ACP1: variants seen among roughly 807,000 people sequenced by gnomAD.
The protein encoded by ACP1 is low molecular weight phosphotyrosine protein phosphatase.
Under a neutral mutation model 23.4 loss-of-function variants are expected in ACP1, and 23 were observed. The ratio of observed to expected loss-of-function variants is 0.98; its 90% confidence interval spans 0.71 to 1.39. The LOEUF is 1.39. Ranked by LOEUF, ACP1 falls within the 40% of genes most tolerant of loss-of-function variation. The pLI is 0.00. For synonymous variants in ACP1, 72 were observed against 67.2 expected, an observed-to-expected ratio of 1.07 and a Z score of -0.35; for missense variants, 180 against 197.7, an observed-to-expected ratio of 0.91 and a Z score of 0.54.
intron 3 of ACP1, chr2:272,396 G>C (rs1480935125): frequency 6.6e-7 from 1 of 1,507,284 alleles, no homozygotes; most frequent in Non-Finnish European, 8.9e-7. Flanking sequence ...ATTAATGAAT[G>C]TGTTTATTTA....
At chr2:277,174 G>T in intron 5 of ACP1, 53 bp from the exon 6 acceptor site, 1 of 1,597,908 alleles carries the variant, frequency 6.3e-7, no homozygotes, top group Non-Finnish European at 8.6e-7. Context: ...TTGTGTTAAG[G>T]ATGTTTTTGT....
chr2:271,525 C>T (rs377544702), intron 1 of ACP1, among the ~76,000 whole-genome samples: 81 of 152,274 alleles, frequency 5.3e-4, no homozygotes, highest in African/African-American at 1.9e-3. Flanking sequence ...TTAAAATAAG[C>T]TGGTTGCAAC....
Position 277,450 on chromosome 2 carries a change from T to C in ACP1, c.*146T>C, listed in dbSNP as rs1310150042. 1.4e-6 allele frequency: 1 copy of C among 697,044 alleles called. No individual in the cohort carries two copies. Among genetic ancestry groups the C allele is most frequent in the African/African-American group, 1.8e-5 (1 of 56,018 alleles). 43.2% of individuals were successfully genotyped at this position (697,044 alleles called of 1,614,324 possible). On this transcript the variant is annotated 3_prime_UTR_variant, in exon 6 of 6. Coordinates refer to ENST00000272065, the MANE Select transcript of ACP1 (RefSeq NM_004300.4). ...ACTGTTTCTTACCTTAAAAAGTAAT[T>C]GTAGATGGAAATCAGTTGTGTTTGG...
chr2:277,815 T>A lies in ACP1; in HGVS notation c.*511T>A, dbSNP rs897024182. 6.1e-6 allele frequency: 1 copy of A among 163,324 alleles called. No individual in the cohort carries two copies. Among genetic ancestry groups the A allele is most frequent in the African/African-American group, 2.4e-5 (1 of 41,712 alleles). 10.1% of individuals were successfully genotyped at this position (163,324 alleles called of 1,614,324 possible). On this transcript the variant is annotated 3_prime_UTR_variant, in exon 6 of 6. Transcript: ENST00000272065. ...TCTAGATTAGAAGTGTTTTAATTTC[T>A]ACACACCCATAGTGCACACTTGTAT...
At chr2:269,023 GATACT>G (rs955602330) in intron 1 of ACP1, among the ~76,000 whole-genome samples, 1 of 152,258 alleles carries the variant, frequency 6.6e-6, no homozygotes, top group Admixed American at 6.5e-5. Context: ...TAGATGCTGA[GATACT>G]AGGCATCTGT....
chr2:265,119 G>T (rs911148839), intron 1 of ACP1, 112 bp downstream of exon 1: 1 of 1,339,646 alleles, frequency 7.5e-7, no homozygotes, highest in East Asian at 2.4e-5. Flanking sequence ...AGGAGGCCAG[G>T]GACTGGGAGG....
In ACP1 at chr2:277,842, T is replaced by C. The variant is rs747057356; in HGVS notation, c.*538T>C. Reference sequence around the variant, plus strand: ...CACACCCATAGTGCACACTTGTATATTGAAAAGATAGGGAAGAGAGAAACA... The same window carrying C: ...CACACCCATAGTGCACACTTGTATACTGAAAAGATAGGGAAGAGAGAAACA... On this transcript the variant is annotated 3_prime_UTR_variant, in exon 6 of 6. Coordinates refer to ENST00000272065, the MANE Select transcript of ACP1 (RefSeq NM_004300.4). The C allele has an allele frequency of 6.5e-6, 1 of 153,842 alleles. No homozygotes were observed. The highest frequency in any genetic ancestry group is 1.4e-5 in the Non-Finnish European group (1 of 69,056). 9.5% of individuals were successfully genotyped at this position (153,842 alleles called of 1,614,324 possible). A position where few individuals can be genotyped will look rare whatever the true frequency, so the allele number is the denominator to read the frequency against.
At chr2:272,476 C>T (rs1019002718) in intron 3 of ACP1, 103 of 1,432,936 alleles carry the variant, frequency 7.2e-5, no homozygotes, top group Middle Eastern at 2.6e-4. Flanking sequence ...GAAAGACTTG[C>T]CTGACTTTGG....
At chr2:268,308 A>G (rs1436940983) in intron 1 of ACP1, among the ~76,000 whole-genome samples, 1 of 152,234 alleles carries the variant, frequency 6.6e-6, no homozygotes, top group Non-Finnish European at 1.5e-5. Flanking sequence ...TTTGAAATGT[A>G]AAAAACTTTG....
intron 1 of ACP1, among the ~76,000 whole-genome samples, chr2:268,083 G>T (rs1669937331): frequency 6.6e-6 from 1 of 152,222 alleles, no homozygotes; most frequent in Non-Finnish European, 1.5e-5. Context: ...GGGAGGCCAT[G>T]TGAAGACTTG....
intron 4 of ACP1, among the ~76,000 whole-genome samples, chr2:276,150 G>A (rs1670165230): frequency 6.6e-6 from 1 of 152,162 alleles, no homozygotes; most frequent in African/African-American, 2.4e-5. Flanking sequence ...ATTTGCACGT[G>A]CTGTTCCTCT....
At chr2:267,716 T>C (rs1669928150) in intron 1 of ACP1, among the ~76,000 whole-genome samples, 1 of 152,222 alleles carries the variant, frequency 6.6e-6, no homozygotes, top group African/African-American at 2.4e-5. Flanking sequence ...ATTGTAGATG[T>C]ATAGGGAGAA....
Position 269,296 on chromosome 2 carries a change from T to G in ACP1, c.44-2570T>G, listed in dbSNP as rs188884042. On this transcript the variant is annotated intron_variant, in intron 1 of 5. Transcript: ENST00000272065. ...ATTTGTTGTCTTTCCCTTTATGGTT[T>G]GTAGGTAAGATTTTTTACTGCTGTG... 11 of 470,878 alleles carry G rather than the reference T, an allele frequency of 2.3e-5. No individual in the cohort carries two copies. The East Asian group carries it at 7.6e-4, about 33-fold the overall frequency. 29.2% of individuals were successfully genotyped at this position (470,878 alleles called of 1,614,324 possible).
In ACP1 at chr2:271,725, G is replaced by A; in HGVS notation, c.44-141G>A. ...GGTCTACCCTCACTGGTTGGACAAA[G>A]GCGTCAAAGGATAGTGTTGGCCTTT... is the stretch of plus-strand genomic sequence containing the variant. On this transcript the variant is annotated intron_variant, in intron 1 of 5. Transcript: ENST00000272065. 3 of 718,416 alleles carry A rather than the reference G, an allele frequency of 4.2e-6. No individual in the cohort carries two copies. In the South Asian group the frequency reaches 5.0e-5, roughly 12 times the overall value. The allele number at this position is 718,416 out of a possible 1,614,324, so 44.5% of individuals were successfully genotyped here. A position where few individuals can be genotyped will look rare whatever the true frequency, so the allele number is the denominator to read the frequency against.
At chr2:270,117 C>T (rs1669989579) in intron 1 of ACP1, among the ~76,000 whole-genome samples, 1 of 152,196 alleles carries the variant, frequency 6.6e-6, no homozygotes, top group Admixed American at 6.5e-5. Context: ...CTAGTGTTTC[C>T]TTAGCTGTGC....
Position 278,020 on chromosome 2 carries a change from G to A in ACP1, c.*716G>A, listed in dbSNP as rs764357173. The A allele has an allele frequency of 6.6e-6, 1 of 152,212 alleles. No individual in the cohort carries two copies. The highest frequency in any genetic ancestry group is 1.5e-5 in the Non-Finnish European group (1 of 68,058). 9.4% of individuals were successfully genotyped at this position (152,212 alleles called of 1,614,324 possible). Reference sequence around the variant, plus strand: ...AAGGACACTTGTATGCTAGTCTATGGTCAGTTGAGGAATATGACTGTTTTT... The same window carrying A: ...AAGGACACTTGTATGCTAGTCTATGATCAGTTGAGGAATATGACTGTTTTT... On this transcript the variant is annotated 3_prime_UTR_variant, in exon 6 of 6. Coordinates refer to ENST00000272065, the MANE Select transcript of ACP1 (RefSeq NM_004300.4).
intron 3 of ACP1, among the ~76,000 whole-genome samples, chr2:274,035 T>C (rs900215656): frequency 6.6e-6 from 1 of 152,148 alleles, no homozygotes; most frequent in Non-Finnish European, 1.5e-5. Flanking sequence ...CTATGACATA[T>C]GCCTGTAGTC....
chr2:270,815 C>G (rs1456576614), intron 1 of ACP1, among the ~76,000 whole-genome samples: 1 of 151,354 alleles, frequency 6.6e-6, no homozygotes, highest in Non-Finnish European at 1.5e-5. Context: ...GGGAACCTCC[C>G]AGAATGTGCC....
rs540413467 is a variant in ACP1 at position 277,932 on chromosome 2, A to G, written c.*628A>G. 2 of 152,624 alleles carry G rather than the reference A, an allele frequency of 1.3e-5. No homozygotes were observed. The highest frequency in any genetic ancestry group is 2.9e-5 in the Non-Finnish European group (2 of 68,352). 9.5% of individuals were successfully genotyped at this position (152,624 alleles called of 1,614,324 possible). A position where few individuals can be genotyped will look rare whatever the true frequency, so the allele number is the denominator to read the frequency against. ...TTTTTGTCGAGTTTACTTCATGAGGAGGTCAGCCCATTGGCTCCCATCTGA... is the reference window on the plus strand; with the variant it reads ...TTTTTGTCGAGTTTACTTCATGAGGGGGTCAGCCCATTGGCTCCCATCTGA... On this transcript the variant is annotated 3_prime_UTR_variant, in exon 6 of 6. Transcript: ENST00000272065.
Sources: allele counts gnomAD v4.1 joint callset (sites outside exome capture counted in the v4.1 genomes callset), GRCh38; gene constraint gnomAD v4.1.1; transcripts MANE v1.5; gene names NCBI Gene and HGNC (gene_info 2026-07-23, HGNC 2026-07-21).